EDA2R: variants seen among roughly 807,000 people sequenced by gnomAD.
The protein encoded by EDA2R is tumor necrosis factor receptor superfamily member 27.
Under a neutral mutation model 20.1 loss-of-function variants are expected in EDA2R, and 26 were observed. The ratio of observed to expected loss-of-function variants is 1.30; its 90% CI spans 0.95 to 1.80. The LOEUF is 1.80. EDA2R is among the 40% of genes most tolerant of loss of function. The pLI is 0.00. For missense variants in EDA2R, 277 were observed against 228.7 expected, an observed-to-expected ratio of 1.21 and a Z score of -1.36; for synonymous variants, 114 against 88.7, an observed-to-expected ratio of 1.29 and a Z score of -1.60.
At chrX:66,637,449 T>G in intron 1 of EDA2R, among the ~76,000 whole-genome samples, 2 of 111,991 alleles carry the variant, frequency 1.8e-5, no homozygotes, top group Non-Finnish European at 3.8e-5. Context: ...GCTCAAAAAC[T>G]TTCAATGGCT....
In EDA2R at chrX:66,626,246, A is replaced by G. The variant is rs766871514; in HGVS notation, c.-10-10216T>C. On this transcript the variant is annotated intron_variant, in intron 1 of 6. Coordinates refer to ENST00000374719, the MANE Select transcript of EDA2R (RefSeq NM_021783.5). ...AGGCAACAGAGAAAGGTGAAGCCCAATGCAAGGAAATCTAAAAAATGATAC... is the reference window on the plus strand; with the variant it reads ...AGGCAACAGAGAAAGGTGAAGCCCAGTGCAAGGAAATCTAAAAAATGATAC... 1.6e-4 allele frequency among the ~76,000 whole-genome samples: 18 copies of G among 111,985 alleles called. No individual in the cohort carries two copies. The East Asian group carries it at 4.2e-3, about 26-fold the overall frequency.
intron 1 of EDA2R, among the ~76,000 whole-genome samples, chrX:66,626,627 G>A (rs1760080638): frequency 9.1e-6 from 1 of 110,237 alleles, no homozygotes; most frequent in African/African-American, 3.3e-5. Context: ...CCCTGGCCTT[G>A]GTAGAGATCT....
Position 66,596,343 on chromosome X carries a change from CCTTCA to C in EDA2R, c.*1756_*1760del, listed in dbSNP as rs1256703015. On this transcript the variant is annotated 3_prime_UTR_variant, in exon 7 of 7. Coordinates refer to ENST00000374719, the MANE Select transcript of EDA2R (RefSeq NM_021783.5). ...AAACAGAAATTATAAAGACGAAAAT[CCTTCA>C]CTTCACCTTTACCCGAAATACTTTA... 6.3e-5 allele frequency: 7 copies of C among 110,902 alleles called. No homozygotes were observed. The highest frequency in any genetic ancestry group is 2.3e-4 in the African/African-American group (7 of 30,425). 9.1% of individuals were successfully genotyped at this position (110,902 alleles called of 1,213,427 possible). A position where few individuals can be genotyped will look rare whatever the true frequency, so the allele number is the denominator to read the frequency against.
chrX:66,628,270 G>A lies in EDA2R; in HGVS notation c.-11+10725C>T, dbSNP rs193051400. ...TGACATTCTAAGGTTGTGCCTCAAGGAACTAGAGAAACAAGAACAAACCAA... is the reference window on the plus strand; with the variant it reads ...TGACATTCTAAGGTTGTGCCTCAAGAAACTAGAGAAACAAGAACAAACCAA... On this transcript the variant is annotated intron_variant, in intron 1 of 6. Transcript: ENST00000374719. Among the ~76,000 whole-genome samples, 107 of 110,231 alleles carry A rather than the reference G, an allele frequency of 9.7e-4. 1 individual carries two copies. Among genetic ancestry groups the A allele is most frequent in the African/African-American group, 3.5e-3 (107 of 30,324 alleles).
intron 2 of EDA2R, among the ~76,000 whole-genome samples, chrX:66,612,317 A>G (rs1930895346): frequency 8.9e-6 from 1 of 112,119 alleles, no homozygotes. Flanking sequence ...CTCTTCATAC[A>G]TTTTATAAAT....
rs1434897525 is a variant in EDA2R at position 66,597,248 on chromosome X, G to C, written c.*856C>G. The stretch of plus-strand genomic sequence containing the variant: ...GGGAGCTAAAGGCAAAAAGACAATT[G>C]AGAAAGAATCAAAGGGGAACGGTGG... On this transcript the variant is annotated 3_prime_UTR_variant, in exon 7 of 7. Coordinates refer to ENST00000374719, the MANE Select transcript of EDA2R (RefSeq NM_021783.5). 8.9e-6 allele frequency: 1 copy of C among 112,094 alleles called. No homozygotes were observed. The highest frequency in any genetic ancestry group is 1.9e-5 in the Non-Finnish European group (1 of 53,246). 9.2% of individuals were successfully genotyped at this position (112,094 alleles called of 1,213,427 possible). A position where few individuals can be genotyped will look rare whatever the true frequency, so the allele number is the denominator to read the frequency against.
intron 6 of EDA2R, among the ~76,000 whole-genome samples, chrX:66,598,629 G>C (rs1298067870): frequency 8.9e-6 from 1 of 112,076 alleles, no homozygotes; most frequent in Non-Finnish European, 1.9e-5. Context: ...AGATAACCTT[G>C]AAGGTACCTA....
chrX:66,617,434 C>G (rs1931912041), intron 1 of EDA2R, among the ~76,000 whole-genome samples: 1 of 111,826 alleles, frequency 8.9e-6, no homozygotes, highest in Admixed American at 9.5e-5. Flanking sequence ...GCCATGCACT[C>G]TTCTCCTTGA....
At chrX:66,621,423 CAT>C (rs951834747) in intron 1 of EDA2R, among the ~76,000 whole-genome samples, 1 of 112,162 alleles carries the variant, frequency 8.9e-6, no homozygotes, top group African/African-American at 3.2e-5. Context: ...GAATTGAAAA[CAT>C]GTGTTCATAC....
chrX:66,627,618 C>T (rs1340275734), intron 1 of EDA2R, among the ~76,000 whole-genome samples: 2 of 111,700 alleles, frequency 1.8e-5, no homozygotes, highest in Non-Finnish European at 1.9e-5. Context: ...TACCAGAGCT[C>T]CCAAATTTAT....
intron 3 of EDA2R, 85 bp from the exon 4 acceptor site, chrX:66,604,591 G>T: frequency 1.1e-6 from 1 of 904,195 alleles, no homozygotes; most frequent in Non-Finnish European, 1.6e-6. Context: ...CAGCTCCTAA[G>T]AATCTTGCCA....
intron 1 of EDA2R, among the ~76,000 whole-genome samples, chrX:66,619,452 T>A (rs1339087208): frequency 8.9e-6 from 1 of 112,073 alleles, no homozygotes; most frequent in Non-Finnish European, 1.9e-5. Context: ...AGGATGTTAT[T>A]ATGGACTTTA....
intron 1 of EDA2R, among the ~76,000 whole-genome samples, chrX:66,630,250 A>G (rs1713779190): frequency 1.8e-5 from 2 of 112,153 alleles, no homozygotes; most frequent in African/African-American, 6.5e-5. Context: ...AGAAGATAAC[A>G]TTGAAAAAAC....
chrX:66,602,895 T>A, intron 4 of EDA2R, 98 bp from the exon 5 acceptor site: 1 of 807,291 alleles, frequency 1.2e-6, no homozygotes. Context: ...CCCTTCTCCC[T>A]AGGGCCTTCC....
Position 66,602,803 on chromosome X carries a change from A to T in EDA2R, c.353-6T>A, listed in dbSNP as rs1324506941. The stretch of plus-strand genomic sequence containing the variant: ...TAAGCTCAACTGGAAGGCACCTGTG[A>T]GACAAAAAAATGGGGGAGGTCAGTT... On this transcript the variant is annotated splice_region_variant and splice_polypyrimidine_tract_variant and intron_variant, in intron 4 of 6. Transcript: ENST00000374719. The T allele has an allele frequency of 8.5e-7, 1 of 1,172,644 alleles. No homozygotes were observed. Among genetic ancestry groups the T allele is most frequent in the African/African-American group, 1.8e-5 (1 of 56,030 alleles).
chrX:66,600,614 G>T (rs1218825809), intron 5 of EDA2R, among the ~76,000 whole-genome samples: 1 of 111,835 alleles, frequency 8.9e-6, no homozygotes, highest in Non-Finnish European at 1.9e-5. Flanking sequence ...ACAAAATTGA[G>T]CCTACTGAAC....
intron 1 of EDA2R, among the ~76,000 whole-genome samples, chrX:66,617,743 C>G (rs1476251775): frequency 1.8e-5 from 2 of 111,031 alleles, no homozygotes; most frequent in East Asian, 5.7e-4. Context: ...CAACATGTCT[C>G]TCTAACCATG....
At chrX:66,610,675 GAATC>G (rs1366724271) in intron 2 of EDA2R, among the ~76,000 whole-genome samples, 1 of 111,653 alleles carries the variant, frequency 9.0e-6, no homozygotes, top group Admixed American at 9.5e-5. Flanking sequence ...CTAAATAATT[GAATC>G]AATCAGACAA....
At chrX:66,601,078 A>C (rs1243019949) in intron 5 of EDA2R, among the ~76,000 whole-genome samples, 1 of 111,966 alleles carries the variant, frequency 8.9e-6, no homozygotes, top group Non-Finnish European at 1.9e-5. Context: ...ACAGTTTTCC[A>C]AAGTAAGAAA....
Sources: allele counts gnomAD v4.1 joint callset (sites outside exome capture counted in the v4.1 genomes callset), GRCh38; gene constraint gnomAD v4.1.1; transcripts MANE v1.5; gene names NCBI Gene and HGNC (gene_info 2026-07-23, HGNC 2026-07-21).